GRAP2: variants seen among roughly 807,000 people sequenced by gnomAD.
The protein encoded by GRAP2 is GRB2 related adaptor protein 2.
Under a neutral mutation model 43.5 loss-of-function variants are expected in GRAP2, and 31 were observed. The ratio of observed to expected loss-of-function variants is 0.71; its 90% CI spans 0.54 to 0.96. GRAP2 has a LOEUF of 0.96. Among genes scored for constraint, GRAP2 ranks in the 40% least tolerant of loss-of-function variants. GRAP2 has a pLI of 0.00. For synonymous variants in GRAP2, 156 were observed against 164.8 expected (o/e 0.95, Z 0.41); for missense variants, 371 against 424.4 (o/e 0.87, Z 1.11).
At chr22:39,964,063 C>T in intron 4 of GRAP2, 1 of 276,758 alleles carries the variant, frequency 3.6e-6, no homozygotes, top group Non-Finnish European at 6.8e-6. Context: ...CTCTCCGAGA[C>T]CCTTTAAAAT....
At chr22:39,927,649 A>G (rs577778181) in intron 1 of GRAP2, among the ~76,000 whole-genome samples, 27 of 152,252 alleles carry the variant, frequency 1.8e-4, no homozygotes, top group Admixed American at 7.2e-4. Context: ...TCCAGGCCCA[A>G]TCGATCTAAG....
intron 1 of GRAP2, among the ~76,000 whole-genome samples, chr22:39,932,716 CA>C (rs34623445): frequency 0.014 from 1,366 of 95,278 alleles, 9 homozygotes; most frequent in Middle Eastern, 0.024. Flanking sequence ...ATACCTGTCT[CA>C]AAAAAAAAAA....
At chr22:39,913,192 CAAA>C (rs397868164) in intron 1 of GRAP2, among the ~76,000 whole-genome samples, 10 of 62,336 alleles carry the variant, frequency 1.6e-4, no homozygotes, top group South Asian at 9.6e-4. Context: ...GACTCCATCT[CAAA>C]AAAAAAAAAA....
chr22:39,945,049 T>A (rs2066907992), intron 1 of GRAP2, among the ~76,000 whole-genome samples: 1 of 152,198 alleles, frequency 6.6e-6, no homozygotes, highest in South Asian at 2.1e-4. Context: ...AGAAGCCTTG[T>A]GTGTTAAAAT....
At chr22:39,897,446 A>T (rs1402644533), upstream of GRAP2, among the ~76,000 whole-genome samples, 2 of 148,438 alleles carry the variant, frequency 1.3e-5, no homozygotes, top group African/African-American at 2.5e-5. Context: ...AAATCCAACC[A>T]CTTCCCACCA....
At chr22:39,914,584 A>T (rs1487180729) in intron 1 of GRAP2, among the ~76,000 whole-genome samples, 1 of 152,208 alleles carries the variant, frequency 6.6e-6, no homozygotes, top group African/African-American at 2.4e-5. Flanking sequence ...ATCTCATTTC[A>T]CATCATGTCT....
At chr22:39,957,756 G>A (rs538843337) in intron 3 of GRAP2, among the ~76,000 whole-genome samples, 66 of 151,862 alleles carry the variant, frequency 4.3e-4, no homozygotes, top group Non-Finnish European at 8.1e-4. Flanking sequence ...GCAACATAGC[G>A]AGCCCCATCT....
At chr22:39,940,868 C>CA (rs2066862101) in intron 1 of GRAP2, among the ~76,000 whole-genome samples, 1 of 152,110 alleles carries the variant, frequency 6.6e-6, no homozygotes, top group Admixed American at 6.5e-5. Context: ...TCATGAGAGA[C>CA]AATGAAGACA....
intron 1 of GRAP2, among the ~76,000 whole-genome samples, chr22:39,908,369 GC>G (rs1432541676): frequency 6.6e-6 from 1 of 152,156 alleles, no homozygotes; most frequent in Non-Finnish European, 1.5e-5. Flanking sequence ...TTGCTGCAGG[GC>G]TGACTGTCCA....
At chr22:39,949,361 C>T (rs1363910437) in intron 2 of GRAP2, among the ~76,000 whole-genome samples, 1 of 152,072 alleles carries the variant, frequency 6.6e-6, no homozygotes, top group African/African-American at 2.4e-5. Context: ...CTCAGCAAAC[C>T]TGTGAGGTAG....
chr22:39,907,251 T>G (rs1318003893), intron 1 of GRAP2, among the ~76,000 whole-genome samples: 1 of 152,130 alleles, frequency 6.6e-6, no homozygotes, highest in East Asian at 1.9e-4. Flanking sequence ...CACAGACACA[T>G]TCAAGATGTC....
chr22:39,935,266 T>C (rs1238917090), intron 1 of GRAP2, among the ~76,000 whole-genome samples: 1 of 152,216 alleles, frequency 6.6e-6, no homozygotes, highest in Non-Finnish European at 1.5e-5. Flanking sequence ...AAAGAGCTTT[T>C]GATTCAACGT....
At chr22:39,944,236 C>T (rs116218311) in intron 1 of GRAP2, among the ~76,000 whole-genome samples, 6 of 152,044 alleles carry the variant, frequency 3.9e-5, no homozygotes. Context: ...TTCCTTTTTC[C>T]CTGGTGGTAA....
At chr22:39,922,674 T>C (rs1388908189) in intron 1 of GRAP2, among the ~76,000 whole-genome samples, 1 of 151,654 alleles carries the variant, frequency 6.6e-6, no homozygotes, top group African/African-American at 2.4e-5. Context: ...GAAGGAGAAG[T>C]AGGATGCCAG....
intron 1 of GRAP2, among the ~76,000 whole-genome samples, chr22:39,909,822 A>G (rs1233557458): frequency 1.3e-5 from 2 of 152,232 alleles, no homozygotes; most frequent in African/African-American, 4.8e-5. Flanking sequence ...TGGTTTAGCA[A>G]GCAGGCATCA....
intron 1 of GRAP2, among the ~76,000 whole-genome samples, chr22:39,932,820 A>G (rs1022825024): frequency 6.6e-6 from 1 of 152,178 alleles, no homozygotes; most frequent in Non-Finnish European, 1.5e-5. Context: ...TATTCCACAT[A>G]TTCTTCCCAA....
At chr22:39,922,973 C>T (rs1307246133) in intron 1 of GRAP2, among the ~76,000 whole-genome samples, 4 of 150,494 alleles carry the variant, frequency 2.7e-5, no homozygotes, top group Non-Finnish European at 4.4e-5. Flanking sequence ...ACCTAGGAGG[C>T]GGAGGTTGCA....
intron 2 of GRAP2, among the ~76,000 whole-genome samples, chr22:39,949,778 T>C (rs2066962538): frequency 6.6e-6 from 1 of 152,194 alleles, no homozygotes; most frequent in South Asian, 2.1e-4. Flanking sequence ...CAATAAATGG[T>C]GGCCCGCATT....
At chr22:39,969,061 C>G (rs1353942509) in intron 6 of GRAP2, among the ~76,000 whole-genome samples, 2 of 152,200 alleles carry the variant, frequency 1.3e-5, no homozygotes, top group African/African-American at 4.8e-5. Flanking sequence ...TCTCTCTGCT[C>G]ACTTACCACT....
Sources: allele counts gnomAD v4.1 joint callset (sites outside exome capture counted in the v4.1 genomes callset), GRCh38; gene constraint gnomAD v4.1.1; transcripts MANE v1.5; gene names NCBI Gene and HGNC (gene_info 2026-07-23, HGNC 2026-07-21).